The following TDRD9 variants were observed in gnomAD, a reference collection of about 807,000 sequenced individuals.
TDRD9 encodes the protein tudor domain containing 9, also known as ATP-dependent RNA helicase TDRD9.
A neutral mutation model predicts 172.6 loss-of-function variants in TDRD9; 124 were observed. The observed-to-expected ratio is 0.72, with a 90% CI of 0.62 to 0.83. The LOEUF is 0.83. TDRD9 is among the 40% of genes least tolerant of loss of function. The pLI, the probability that TDRD9 is intolerant of heterozygous loss-of-function variation, is 0.00. For missense variants in TDRD9, 1,479 were observed against 1,714.1 expected (o/e 0.86, Z 2.42); for synonymous variants, 619 against 617.1 (o/e 1.00, Z -0.05).
intron 2 of TDRD9, among the ~76,000 whole-genome samples, chr14:103,956,098 AAAAAAAAAAAAAAATAT>A (rs1304675136): frequency 1.9e-4 from 10 of 53,610 alleles, no homozygotes; most frequent in Non-Finnish European, 2.7e-4. Context: ...AAAAAAAAAA[AAAAAAAAAAAAAAATAT>A]ATATATATAT....
chr14:103,987,827 T>C (rs1206150451), intron 8 of TDRD9, among the ~76,000 whole-genome samples: 1 of 152,206 alleles, frequency 6.6e-6, no homozygotes, highest in African/African-American at 2.4e-5. Context: ...GCTCTATATA[T>C]TATCGAAAAT....
intron 8 of TDRD9, among the ~76,000 whole-genome samples, chr14:103,988,694 CTTTTT>C (rs34511631): frequency 7.9e-6 from 1 of 126,846 alleles, no homozygotes; most frequent in Non-Finnish European, 1.7e-5. Context: ...TAGCATTTTA[CTTTTT>C]TTTTTTTTTT....
At chr14:104,000,872 T>G (rs1018213903) in intron 13 of TDRD9, among the ~76,000 whole-genome samples, 1 of 152,226 alleles carries the variant, frequency 6.6e-6, no homozygotes, top group African/African-American at 2.4e-5. Flanking sequence ...GTCTTGGGAT[T>G]ATAGGAGTTT....
chr14:104,052,126 G>A lies in TDRD9; in HGVS notation c.*44G>A, dbSNP rs759979797. ...TCCAGCACACCCCTCAGGAAGCTGTGGAGGCTGGATTCCAGGCTCCCTCCG... is the reference window on the plus strand; with the variant it reads ...TCCAGCACACCCCTCAGGAAGCTGTAGAGGCTGGATTCCAGGCTCCCTCCG... On this transcript the variant is annotated 3_prime_UTR_variant, in exon 36 of 36. Coordinates refer to ENST00000409874, the MANE Select transcript of TDRD9 (RefSeq NM_153046.3). The A allele has an allele frequency of 1.5e-5, 22 of 1,421,474 alleles. No individual in the cohort carries two copies. The South Asian group carries it at 2.6e-4, about 17-fold the overall frequency. The allele number at this position is 1,421,474 out of a possible 1,614,324, so 88.1% of individuals were successfully genotyped here.
At chr14:103,954,733 A>G (rs1327143564) in intron 1 of TDRD9, among the ~76,000 whole-genome samples, 1 of 146,630 alleles carries the variant, frequency 6.8e-6, no homozygotes, top group Non-Finnish European at 1.5e-5. Context: ...GGTTTAAGTG[A>G]TTCTGCTACC....
intron 28 of TDRD9, among the ~76,000 whole-genome samples, chr14:104,029,497 G>A (rs1008583177): frequency 2.0e-5 from 3 of 152,084 alleles, no homozygotes; most frequent in African/African-American, 7.2e-5. Flanking sequence ...GTATAGAAAT[G>A]CTACTGATTT....
At chr14:103,965,647 G>A in intron 4 of TDRD9, 93 bp downstream of exon 4, 2 of 1,157,718 alleles carry the variant, frequency 1.7e-6, no homozygotes, top group Non-Finnish European at 2.4e-6. Context: ...TTGATAGTAT[G>A]TGACCATTTT....
chr14:104,035,014 C>G lies in TDRD9; in HGVS notation c.3674C>G (p.Pro1225Arg). 6.4e-7 allele frequency: 1 copy of G among 1,551,722 alleles called. No individual in the cohort carries two copies. Among genetic ancestry groups the G allele is most frequent in the African/African-American group, 1.4e-5 (1 of 73,156 alleles). Residue 1225 changes from proline to arginine, a missense_variant, in exon 32 of 36, where the codon CCG (proline) becomes CGG (arginine). Transcript: ENST00000409874. Reference protein sequence around the residue: ...TSLMPHIPGLPALLSMLFAPV... With the variant: ...TSLMPHIPGLRALLSMLFAPV... ...CTGATGCCTCATATCCCTGGCCTCC[C>G]GGCTCTCCTCAGCATGTTATTCGCA...
chr14:103,974,488 G>A (rs1319573239), intron 6 of TDRD9, among the ~76,000 whole-genome samples: 10 of 152,128 alleles, frequency 6.6e-5, no homozygotes, highest in Non-Finnish European at 1.0e-4. Flanking sequence ...CCCCAGTCTG[G>A]GGTTGTTCCT....
intron 34 of TDRD9, 69 bp from the exon 35 acceptor site, chr14:104,049,539 A>T (rs1158332639): frequency 1.5e-6 from 2 of 1,298,460 alleles, no homozygotes; most frequent in Non-Finnish European, 2.1e-6. Flanking sequence ...TTAAATCTTT[A>T]AAAAAATCAC....
intron 1 of TDRD9, among the ~76,000 whole-genome samples, chr14:103,946,033 A>T (rs539310188): frequency 2.1e-4 from 32 of 151,888 alleles, no homozygotes; most frequent in African/African-American, 6.8e-4. Context: ...TGGCATGGTC[A>T]TAGCTCACTG....
intron 1 of TDRD9, among the ~76,000 whole-genome samples, chr14:103,933,475 C>T (rs2030538328): frequency 1.3e-5 from 2 of 152,194 alleles, no homozygotes; most frequent in Admixed American, 1.3e-4. Context: ...GGGAAGCCTT[C>T]ATCATAGGAA....
chr14:103,962,992 G>GTGTA (rs758427453), intron 2 of TDRD9, 87 bp from the exon 3 acceptor site: 1 of 692,812 alleles, frequency 1.4e-6, no homozygotes, highest in Admixed American at 2.7e-5. Flanking sequence ...GTGTGTGTGT[G>GTGTA]TATGCTGTAT....
At chr14:104,019,270 T>C (rs2034881382) in intron 23 of TDRD9, among the ~76,000 whole-genome samples, 1 of 152,232 alleles carries the variant, frequency 6.6e-6, no homozygotes, top group South Asian at 2.1e-4. Context: ...TCCCAGAAGA[T>C]TGCAGCATCT....
chr14:103,995,604 TA>T, intron 11 of TDRD9, 145 bp from the exon 12 acceptor site: 9 of 669,836 alleles, frequency 1.3e-5, no homozygotes, highest in Non-Finnish European at 2.2e-5. Flanking sequence ...GTGATGTGTA[TA>T]AAATAGAAAA....
chr14:103,940,069 T>C (rs2031124702), intron 1 of TDRD9, among the ~76,000 whole-genome samples: 2 of 152,138 alleles, frequency 1.3e-5, no homozygotes, highest in Admixed American at 1.3e-4. Context: ...TTTCCTACTT[T>C]TAATAAAGTT....
intron 23 of TDRD9, among the ~76,000 whole-genome samples, 157 bp downstream of exon 23, chr14:104,018,349 G>A (rs1428080871): frequency 6.6e-6 from 1 of 152,140 alleles, no homozygotes; most frequent in African/African-American, 2.4e-5. Context: ...TTATCTTATG[G>A]TCAGAAGCAA....
rs1194237725 is a variant in TDRD9 at position 103,980,587 on chromosome 14, G to A, written c.1011+5034G>A. 2.0e-5 allele frequency among the ~76,000 whole-genome samples: 3 copies of A among 152,172 alleles called. No individual in the cohort carries two copies. The highest frequency in any genetic ancestry group is 7.2e-5 in the African/African-American group (3 of 41,440). ...TGAAGCACAGCATCACAGGGAGACG[G>A]TTAGGCCTCCGGATAACTGCGGGCG... On this transcript the variant is annotated intron_variant, in intron 7 of 35. Transcript: ENST00000409874. The surrounding 1 kb of genome is among the most constrained non-coding windows in gnomAD (Gnocchi z 4.5).
At chr14:103,990,216 C>G (rs1229782623) in intron 8 of TDRD9, among the ~76,000 whole-genome samples, 1 of 152,200 alleles carries the variant, frequency 6.6e-6, no homozygotes, top group Non-Finnish European at 1.5e-5. Context: ...ATCTACAAAC[C>G]AAGGCTGTGT....
Sources: gnomAD v4.1 joint callset for allele counts (sites outside exome capture counted in the v4.1 genomes callset) on GRCh38, gnomAD v4.1.1 for gene constraint, Gnocchi (gnomAD v3.1) non-coding constraint, MANE v1.5 for transcripts, NCBI Gene and HGNC (gene_info 2026-07-23, HGNC 2026-07-21) for gene names.